GSE1: variants seen among roughly 807,000 people sequenced by gnomAD.
GSE1 encodes the protein genetic suppressor element 1.
Under a neutral mutation model 112.6 loss-of-function variants are expected in GSE1, and 32 were observed. The ratio of observed to expected loss-of-function variants is 0.28; its 90% CI spans 0.21 to 0.38. GSE1 has a LOEUF of 0.38. Ranked by LOEUF, GSE1 falls within the 10% of genes least tolerant of loss-of-function variation. The pLI is 1.00. For synonymous variants in GSE1, 1,115 were observed against 735.6 expected, an observed-to-expected ratio of 1.52 and a Z score of -8.35; for missense variants, 2,348 against 1,699.2, an observed-to-expected ratio of 1.38 and a Z score of -6.71.
chr16:85,170,255 C>A, exon 1 of GSE1: 2 of 985,582 alleles, frequency 2.0e-6, no homozygotes, highest in Non-Finnish European at 2.4e-6. Context: ...AAGGCCCACG[C>A]GGATGGGGAG....
intron 1 of GSE1, among the ~76,000 whole-genome samples, chr16:85,602,195 C>T (rs559716343): frequency 7.8e-4 from 119 of 152,200 alleles, no homozygotes; most frequent in Non-Finnish European, 7.8e-4. Context: ...GCTGCCAGGG[C>T]CGGGTTAGCA....
chr16:85,288,768 G>A (rs1456622768), intron 1 of GSE1, among the ~76,000 whole-genome samples: 1 of 152,180 alleles, frequency 6.6e-6, no homozygotes, highest in East Asian at 1.9e-4. Context: ...GGGGGTGGGG[G>A]GCATTTCAGC....
At chr16:85,370,726 A>G (rs1236930037) in intron 2 of GSE1, among the ~76,000 whole-genome samples, 1 of 152,162 alleles carries the variant, frequency 6.6e-6, no homozygotes. Flanking sequence ...ACACTGCAGA[A>G]GGCCTGGAGT....
intron 1 of GSE1, among the ~76,000 whole-genome samples, chr16:85,187,445 G>A (rs28468398): frequency 0.14 from 22,033 of 152,244 alleles, 1,789 homozygotes; most frequent in Middle Eastern, 0.27. Context: ...GAGAGAAGGA[G>A]TTAAAAACTT....
chr16:85,582,793 C>G (rs1336944458), intron 1 of GSE1, among the ~76,000 whole-genome samples: 12 of 152,214 alleles, frequency 7.9e-5, no homozygotes, highest in Admixed American at 7.8e-4. Context: ...GTCTGCACAG[C>G]CTGCGGTTGG....
At chr16:85,456,545 C>T (rs1352794363) in intron 2 of GSE1, among the ~76,000 whole-genome samples, 2 of 144,886 alleles carry the variant, frequency 1.4e-5, no homozygotes, top group African/African-American at 5.2e-5. Context: ...CCCCAAGCAC[C>T]CTGAGGACAG....
intron 1 of GSE1, among the ~76,000 whole-genome samples, chr16:85,585,332 G>C (rs1286651478): frequency 1.3e-5 from 2 of 152,302 alleles, no homozygotes; most frequent in East Asian, 3.9e-4. Context: ...GCCCTGCCCT[G>C]GGGCTTTCCT....
rs74031750 is a variant in GSE1 at position 85,265,418 on chromosome 16, G to A, written c.2284-92045G>A. On this transcript the variant is annotated intron_variant, in intron 1 of 2. Transcript: ENST00000637419. ...GTCCTCCCCCTGTTGAGTCTCGACCGCCCCAGACCCGCGCTAATGCACCCT... is the reference window on the plus strand; with the variant it reads ...GTCCTCCCCCTGTTGAGTCTCGACCACCCCAGACCCGCGCTAATGCACCCT... 1.9e-3 allele frequency among the ~76,000 whole-genome samples: 296 copies of A among 152,256 alleles called. 2 individuals carry two copies. Among genetic ancestry groups the A allele is most frequent in the African/African-American group, 6.9e-3 (286 of 41,554 alleles).
Position 85,271,225 on chromosome 16 carries a change from A to C in GSE1, c.2284-86238A>C, listed in dbSNP as rs567856661. 5.8e-4 allele frequency among the ~76,000 whole-genome samples: 88 copies of C among 152,172 alleles called. 2 individuals carry two copies. The South Asian group carries it at 0.018, about 32-fold the overall frequency. On this transcript the variant is annotated intron_variant, in intron 1 of 2. Transcript: ENST00000637419. ...GCATGTCTCTCACGGTGGGTCCCAGAGCCCCCAAGCAGGATCGAGTTCCAG... is the reference window on the plus strand; with the variant it reads ...GCATGTCTCTCACGGTGGGTCCCAGCGCCCCCAAGCAGGATCGAGTTCCAG...
At chr16:85,380,380 G>A (rs1422446957) in intron 2 of GSE1, among the ~76,000 whole-genome samples, 1 of 152,192 alleles carries the variant, frequency 6.6e-6, no homozygotes, top group Non-Finnish European at 1.5e-5. Flanking sequence ...TTGTGGCAGT[G>A]CTAAAACCAC....
chr16:85,367,715 C>G lies in GSE1; in HGVS notation c.2464+10072C>G, dbSNP rs563341315. ...CCGTGGCTCCCTGTCCTCGTGATCT[C>G]TCCAGTGCGTGGCACAGTGCACATA... On this transcript the variant is annotated intron_variant, in intron 2 of 2. Transcript: ENST00000637419. 1.3e-4 allele frequency among the ~76,000 whole-genome samples: 20 copies of G among 152,332 alleles called. No homozygotes were observed. The East Asian group carries it at 3.7e-3, about 28-fold the overall frequency.
chr16:85,532,365 A>T (rs1481413638), intron 2 of GSE1, among the ~76,000 whole-genome samples: 1 of 152,106 alleles, frequency 6.6e-6, no homozygotes, highest in African/African-American at 2.4e-5. Flanking sequence ...GGCTCAAGCA[A>T]TCCTCCTGAC....
chr16:85,260,119 C>T (rs558799225), intron 1 of GSE1, among the ~76,000 whole-genome samples: 4 of 152,068 alleles, frequency 2.6e-5, no homozygotes, highest in Non-Finnish European at 5.9e-5. Context: ...CATGGGCAGC[C>T]CCCCCGCAGC....
intron 2 of GSE1, among the ~76,000 whole-genome samples, chr16:85,487,149 G>A (rs1028380588): frequency 7.2e-5 from 11 of 152,166 alleles, no homozygotes; most frequent in African/African-American, 2.2e-4. Flanking sequence ...GAAGCAAAAC[G>A]GGAGCAGAAG....
At chr16:85,652,449 G>A (rs1486665079) in intron 3 of GSE1, among the ~76,000 whole-genome samples, 2 of 152,220 alleles carry the variant, frequency 1.3e-5, no homozygotes, top group Non-Finnish European at 2.9e-5. Context: ...GGAGAGGCAG[G>A]TCAGAAGTCG....
chr16:85,357,382 C>T (rs1170227965), intron 1 of GSE1: 31 of 925,732 alleles, frequency 3.3e-5, no homozygotes, highest in South Asian at 4.0e-5. Context: ...AGGAATGGCA[C>T]CTATGGCCAG....
intron 2 of GSE1, among the ~76,000 whole-genome samples, chr16:85,467,701 T>A (rs2050164487): frequency 6.6e-6 from 1 of 152,130 alleles, no homozygotes; most frequent in Non-Finnish European, 1.5e-5. Context: ...TCACGCAGCA[T>A]CACTTCTATG....
intron 1 of GSE1, among the ~76,000 whole-genome samples, chr16:85,226,350 AATTT>A (rs1426020163): frequency 1.3e-5 from 2 of 152,268 alleles, no homozygotes; most frequent in African/African-American, 2.4e-5. Flanking sequence ...ATTTTATTTT[AATTT>A]ATTTAAGCTT....
intron 1 of GSE1, among the ~76,000 whole-genome samples, chr16:85,235,429 TGTGTGTG>T (rs1904509701): frequency 1.3e-4 from 1 of 7,766 alleles, no homozygotes; most frequent in South Asian, 3.2e-3. Flanking sequence ...GGAAGGGTAC[TGTGTGTG>T]TGTGTGTGTG....
Sources: gnomAD v4.1 joint callset for allele counts (sites outside exome capture counted in the v4.1 genomes callset) on GRCh38, gnomAD v4.1.1 for gene constraint, MANE v1.5 for transcripts, NCBI Gene and HGNC (gene_info 2026-07-23, HGNC 2026-07-21) for gene names.